Variants in STPG2 observed in about 807,000 individuals in gnomAD.
The protein encoded by STPG2 is sperm tail PG-rich repeat containing 2.
A neutral mutation model predicts 54.2 loss-of-function variants in STPG2; 56 were observed. The observed-to-expected ratio is 1.03, with a 90% confidence interval of 0.83 to 1.29. The LOEUF (loss-of-function observed/expected upper bound fraction) is 1.29, where lower values mean the gene tolerates loss of function less well. Ranked by LOEUF, STPG2 falls within the 50% of genes most tolerant of loss-of-function variation. The pLI is 0.00. For synonymous variants in STPG2, 200 were observed against 181.8 expected, an observed-to-expected ratio of 1.10 and a Z score of -0.81; for missense variants, 596 against 544.9, an observed-to-expected ratio of 1.09 and a Z score of -0.93.
At chr4:97,623,108 C>T (rs1227082968) in intron 10 of STPG2, among the ~76,000 whole-genome samples, 1 of 151,940 alleles carries the variant, frequency 6.6e-6, no homozygotes, top group African/African-American at 2.4e-5. Context: ...ATATACAAAA[C>T]TCAACTCAAG....
At chr4:97,670,528 A>G (rs1428749103) in intron 10 of STPG2, among the ~76,000 whole-genome samples, 2 of 152,220 alleles carry the variant, frequency 1.3e-5, no homozygotes, top group Non-Finnish European at 2.9e-5. Context: ...TGGAGAAAGC[A>G]TATAAGTAAA....
intron 10 of STPG2, among the ~76,000 whole-genome samples, chr4:97,660,398 G>A (rs1717754059): frequency 6.6e-6 from 1 of 152,130 alleles, no homozygotes; most frequent in Non-Finnish European, 1.5e-5. Context: ...CTCTTGCCTT[G>A]ACAAGAATTA....
intron 5 of STPG2, among the ~76,000 whole-genome samples, chr4:98,049,737 C>G (rs779775847): frequency 2.4e-4 from 33 of 139,440 alleles, no homozygotes; most frequent in Non-Finnish European, 6.3e-5. Context: ...TATGGCCATT[C>G]TTCAACTCCT....
chr4:98,066,742 G>A (rs1236620112), intron 5 of STPG2, among the ~76,000 whole-genome samples: 5 of 152,114 alleles, frequency 3.3e-5, no homozygotes, highest in Non-Finnish European at 2.9e-5. Context: ...ACTGTTGTTT[G>A]TGAGTCAAAA....
chr4:98,039,552 AGAGGGAT>A (rs1410376304), intron 5 of STPG2, among the ~76,000 whole-genome samples: 2 of 151,176 alleles, frequency 1.3e-5, no homozygotes, highest in Non-Finnish European at 3.0e-5. Flanking sequence ...GGAGGGTGGA[AGAGGGAT>A]GAGGGATGGG....
chr4:97,777,498 T>C (rs1726417549), intron 9 of STPG2, among the ~76,000 whole-genome samples: 1 of 152,172 alleles, frequency 6.6e-6, no homozygotes, highest in African/African-American at 2.4e-5. Flanking sequence ...AGCAATGCAG[T>C]TTTCTGGACC....
At chr4:97,803,687 C>T (rs781640130) in intron 9 of STPG2, among the ~76,000 whole-genome samples, 7 of 152,122 alleles carry the variant, frequency 4.6e-5, no homozygotes, top group African/African-American at 1.2e-4. Flanking sequence ...ACTACAAGTG[C>T]GTGCCACCAT....
At chr4:98,133,814 C>T (rs1740064536) in intron 2 of STPG2, among the ~76,000 whole-genome samples, 1 of 151,848 alleles carries the variant, frequency 6.6e-6, no homozygotes, top group Non-Finnish European at 1.5e-5. Flanking sequence ...CATATAAATG[C>T]AAAATTTATG....
intron 10 of STPG2, among the ~76,000 whole-genome samples, chr4:97,580,693 A>C (rs1038777946): frequency 2.0e-5 from 3 of 152,040 alleles, no homozygotes; most frequent in Non-Finnish European, 2.9e-5. Flanking sequence ...AAAGTTTATG[A>C]CTATAATCCT....
intron 5 of STPG2, among the ~76,000 whole-genome samples, chr4:97,988,501 G>A (rs911584801): frequency 6.6e-6 from 1 of 152,274 alleles, no homozygotes; most frequent in South Asian, 2.1e-4. Context: ...GAATGGATGG[G>A]TACATGAATT....
intron 4 of STPG2, among the ~76,000 whole-genome samples, chr4:97,487,080 T>G (rs1489912847): frequency 6.6e-6 from 1 of 151,270 alleles, no homozygotes; most frequent in Non-Finnish European, 1.5e-5. Flanking sequence ...TACAATGGAC[T>G]TTGGGGACTT....
At chr4:97,443,328 G>A (rs746952586) in intron 4 of STPG2, among the ~76,000 whole-genome samples, 1 of 152,146 alleles carries the variant, frequency 6.6e-6, no homozygotes, top group Non-Finnish European at 1.5e-5. Flanking sequence ...AAGGCAGGAT[G>A]TCAAGAAACT....
At chr4:97,528,711 T>A (rs1366378869) in intron 4 of STPG2, among the ~76,000 whole-genome samples, 1 of 152,174 alleles carries the variant, frequency 6.6e-6, no homozygotes, top group Non-Finnish European at 1.5e-5. Flanking sequence ...AAGAGGTCCT[T>A]CACATCCCTT....
chr4:97,576,692 G>C (rs538910157), intron 10 of STPG2, among the ~76,000 whole-genome samples: 1 of 152,194 alleles, frequency 6.6e-6, no homozygotes, highest in Admixed American at 6.6e-5. Flanking sequence ...CTTTGACAAA[G>C]AATTTATCAT....
intron 10 of STPG2, among the ~76,000 whole-genome samples, chr4:97,594,606 C>T (rs191614413): frequency 3.0e-4 from 46 of 152,250 alleles, no homozygotes; most frequent in Non-Finnish European, 5.0e-4. Flanking sequence ...TTTCTCCAAC[C>T]TCACCGGAAA....
intron 10 of STPG2, among the ~76,000 whole-genome samples, chr4:97,663,439 G>T (rs1046541583): frequency 6.6e-6 from 1 of 152,040 alleles, no homozygotes; most frequent in Non-Finnish European, 1.5e-5. Flanking sequence ...TTGTTTATAA[G>T]AGAAAATAGC....
intron 10 of STPG2, among the ~76,000 whole-genome samples, chr4:97,701,732 C>A (rs112388172): frequency 0.092 from 13,930 of 152,172 alleles, 1,812 homozygotes; most frequent in African/African-American, 0.29. Flanking sequence ...CTGTCAATTT[C>A]ACTTCTAGGA....
intron 8 of STPG2, among the ~76,000 whole-genome samples, chr4:97,858,349 A>T (rs1218640776): frequency 6.6e-6 from 1 of 152,220 alleles, no homozygotes; most frequent in African/African-American, 2.4e-5. Flanking sequence ...GTCTGACAGC[A>T]GAATTTTCAG....
chr4:98,127,824 G>A (rs1033319139), intron 3 of STPG2, among the ~76,000 whole-genome samples: 2 of 152,038 alleles, frequency 1.3e-5, no homozygotes, highest in Admixed American at 1.3e-4. Context: ...TCAGAGAGAA[G>A]CTCCTTATTT....
Sources: allele counts gnomAD v4.1 joint callset (sites outside exome capture counted in the v4.1 genomes callset), GRCh38; gene constraint gnomAD v4.1.1; transcripts MANE v1.5; gene names NCBI Gene and HGNC (gene_info 2026-07-23, HGNC 2026-07-21).